Variants in LINGO2 observed in about 807,000 individuals in gnomAD.
LINGO2 encodes the protein leucine rich repeat and Ig domain containing 2, also known as leucine-rich repeat and immunoglobulin-like domain-containing nogo receptor-interacting protein 2.
Under a neutral mutation model 30.6 loss-of-function variants are expected in LINGO2, and 14 were observed. That is an observed-to-expected ratio of 0.46 (90% CI 0.30 to 0.72). The LOEUF is 0.72. Ranked by LOEUF, LINGO2 falls within the 30% of genes least tolerant of loss-of-function variation. The probability of loss-of-function intolerance (pLI) is 0.07; values close to 1 mark genes in which losing one functional copy is unlikely to be tolerated. For synonymous variants in LINGO2, 317 were observed against 288.5 expected, an observed-to-expected ratio of 1.10 and a Z score of -1.00; for missense variants, 729 against 751.7, an observed-to-expected ratio of 0.97 and a Z score of 0.35.
At chr9:28,759,161 G>A in the LINGO2 span, among the ~76,000 whole-genome samples, 1 of 152,028 alleles carries the variant, frequency 6.6e-6, no homozygotes, top group African/African-American at 2.4e-5. Context: ...ATGTCAAATA[G>A]TAGAGGAGAG....
chr9:28,441,399 TCTTTGATAGACTTTACCTCATACTTC>T (rs573007377), intron 2 of LINGO2, among the ~76,000 whole-genome samples: 1 of 151,584 alleles, frequency 6.6e-6, no homozygotes, highest in African/African-American at 2.4e-5. Flanking sequence ...ACTTTGTTCA[TCTTTGATAGACTTTACCTCATACTTC>T]CTTTGATAGA....
chr9:28,883,124 G>C, the LINGO2 span, among the ~76,000 whole-genome samples: 1 of 152,120 alleles, frequency 6.6e-6, no homozygotes, highest in Non-Finnish European at 1.5e-5. Flanking sequence ...TACCTGTTGA[G>C]CTCAATCCAA....
intron 2 of LINGO2, among the ~76,000 whole-genome samples, chr9:28,465,216 T>C (rs964455718): frequency 6.6e-6 from 1 of 152,136 alleles, no homozygotes; most frequent in African/African-American, 2.4e-5. Flanking sequence ...CCAAGAGGAA[T>C]GAGGTCACAA....
intron 3 of LINGO2, among the ~76,000 whole-genome samples, chr9:28,326,783 G>T (rs1311963540): frequency 6.6e-6 from 1 of 152,104 alleles, no homozygotes; most frequent in African/African-American, 2.4e-5. Context: ...TGTTAGGAAG[G>T]TTCAATATTC....
the LINGO2 span, among the ~76,000 whole-genome samples, chr9:28,853,845 A>G: frequency 1.3e-5 from 2 of 152,044 alleles, no homozygotes; most frequent in Non-Finnish European, 2.9e-5. Flanking sequence ...GATTATGGGG[A>G]TTATAATTCA....
chr9:28,025,789 A>G (rs913978193), intron 4 of LINGO2, among the ~76,000 whole-genome samples: 1 of 152,204 alleles, frequency 6.6e-6, no homozygotes, highest in African/African-American at 2.4e-5. Flanking sequence ...GAGCCAGACA[A>G]ACGACACTTT....
At chr9:27,954,077 G>A (rs1037958974) in intron 5 of LINGO2, among the ~76,000 whole-genome samples, 1 of 151,934 alleles carries the variant, frequency 6.6e-6, no homozygotes, top group Admixed American at 6.6e-5. Context: ...ATTTTTCATT[G>A]ATACATAATA....
the LINGO2 span, among the ~76,000 whole-genome samples, chr9:28,709,888 T>C: frequency 6.6e-6 from 1 of 152,044 alleles, no homozygotes; most frequent in Non-Finnish European, 1.5e-5. Flanking sequence ...TCTTGATTTA[T>C]GAAGGGCTAT....
intron 4 of LINGO2, among the ~76,000 whole-genome samples, chr9:28,186,003 T>C (rs1356825923): frequency 1.3e-5 from 2 of 152,164 alleles, no homozygotes; most frequent in Non-Finnish European, 2.9e-5. Flanking sequence ...CAGAGGCTTA[T>C]TATGAGAGAC....
chr9:28,346,047 A>G (rs1194423912), intron 3 of LINGO2, among the ~76,000 whole-genome samples: 1 of 152,240 alleles, frequency 6.6e-6, no homozygotes, highest in Non-Finnish European at 1.5e-5. Context: ...TTTATCAGAA[A>G]CAAAGACCAT....
the LINGO2 span, among the ~76,000 whole-genome samples, chr9:28,937,990 TTA>T: frequency 5.3e-5 from 8 of 152,112 alleles, no homozygotes; most frequent in Admixed American, 6.5e-5. Flanking sequence ...CGCTACATAT[TTA>T]TGTTTTCTTA....
At chr9:29,132,233 G>A in the LINGO2 span, among the ~76,000 whole-genome samples, 21 of 152,160 alleles carry the variant, frequency 1.4e-4, no homozygotes, top group African/African-American at 4.6e-4. Context: ...TGAGGCAGGA[G>A]AATAAGGTCT....
At chr9:28,893,858 G>C in the LINGO2 span, among the ~76,000 whole-genome samples, 6,948 of 151,502 alleles carry the variant, frequency 0.046, 535 homozygotes, top group African/African-American at 0.16. Context: ...CCATTCACTG[G>C]TCATTTAGCA....
At chr9:29,034,028 G>C in the LINGO2 span, among the ~76,000 whole-genome samples, 25,382 of 151,766 alleles carry the variant, frequency 0.17, 2,265 homozygotes, top group East Asian at 0.34. Context: ...GTTGCAGTGA[G>C]CTCAGATTGC....
intron 3 of LINGO2, among the ~76,000 whole-genome samples, chr9:28,326,881 T>C (rs922345078): frequency 6.6e-6 from 1 of 152,104 alleles, no homozygotes; most frequent in Non-Finnish European, 1.5e-5. Context: ...ATAAATACCA[T>C]TACTGAGAAA....
the LINGO2 span, among the ~76,000 whole-genome samples, chr9:28,709,294 T>C: frequency 6.6e-6 from 1 of 152,092 alleles, no homozygotes; most frequent in African/African-American, 2.4e-5. Flanking sequence ...TAATTGCTAA[T>C]TGGTTTTAGT....
At chr9:28,220,005 G>A (rs1423199041) in intron 4 of LINGO2, among the ~76,000 whole-genome samples, 1 of 152,108 alleles carries the variant, frequency 6.6e-6, no homozygotes, top group African/African-American at 2.4e-5. Context: ...TACTGAGCCT[G>A]CACAAAGTTT....
chr9:27,974,922 T>C (rs1416723187), intron 5 of LINGO2, among the ~76,000 whole-genome samples: 1 of 152,138 alleles, frequency 6.6e-6, no homozygotes, highest in Non-Finnish European at 1.5e-5. Context: ...AAATGCTTGC[T>C]GTAAGGGTCA....
At chr9:28,054,736 T>C (rs975285947) in intron 4 of LINGO2, among the ~76,000 whole-genome samples, 7 of 152,168 alleles carry the variant, frequency 4.6e-5, no homozygotes, top group East Asian at 3.9e-4. Context: ...CAATAGCTTA[T>C]ATTGATATCC....
Sources: gnomAD v4.1 joint callset for allele counts (sites outside exome capture counted in the v4.1 genomes callset) on GRCh38, gnomAD v4.1.1 for gene constraint, MANE v1.5 for transcripts, NCBI Gene and HGNC (gene_info 2026-07-23, HGNC 2026-07-21) for gene names.